Variants in CHSY1 observed in about 807,000 individuals in gnomAD.
CHSY1 encodes the protein N-acetylgalactosaminyl-proteoglycan 3-beta-glucuronosyltransferase 1.
CHSY1 carries 13 observed loss-of-function variants against 59.8 expected under a neutral mutation model. The observed-to-expected ratio is 0.22, with a 90% CI of 0.14 to 0.35. The LOEUF (loss-of-function observed/expected upper bound fraction) is 0.35, where lower values mean the gene tolerates loss of function less well. Ranked by LOEUF, CHSY1 falls within the 10% of genes least tolerant of loss-of-function variation. CHSY1 has a pLI of 1.00. For missense variants in CHSY1, 947 were observed against 1,030.6 expected (o/e 0.92, Z 1.11); for synonymous variants, 459 against 401.2 (o/e 1.14, Z -1.72).
At chr15:101,215,967 T>TA (rs368638696) in intron 2 of CHSY1, among the ~76,000 whole-genome samples, 2 of 152,224 alleles carry the variant, frequency 1.3e-5, no homozygotes, top group African/African-American at 4.8e-5. Context: ...AAAAGAACAT[T>TA]AAAAAAATCA....
chr15:101,226,086 G>T (rs925525417), intron 2 of CHSY1, among the ~76,000 whole-genome samples: 3 of 152,158 alleles, frequency 2.0e-5, no homozygotes, highest in Admixed American at 6.5e-5. Context: ...GGTAAACTAT[G>T]ATTGGTTCTG....
chr15:101,176,285 G>A lies in CHSY1; in HGVS notation c.*1103C>T, dbSNP rs2141233006. ...TAAAACAAAACAGTAATGAAAGAAT[G>A]AAAACCATCTCCACCCACATAACAC... On this transcript the variant is annotated 3_prime_UTR_variant, in exon 3 of 3. Transcript: ENST00000254190. 2.5e-6 allele frequency: 1 copy of A among 398,406 alleles called. No homozygotes were observed. Among genetic ancestry groups the A allele is most frequent in the South Asian group, 1.3e-4 (1 of 7,852 alleles). 24.7% of individuals were successfully genotyped at this position (398,406 alleles called of 1,614,324 possible). A position where few individuals can be genotyped will look rare whatever the true frequency, so the allele number is the denominator to read the frequency against.
At chr15:101,222,417 T>C (rs1294738809) in intron 2 of CHSY1, among the ~76,000 whole-genome samples, 1 of 152,250 alleles carries the variant, frequency 6.6e-6, no homozygotes, top group African/African-American at 2.4e-5. Context: ...ACCCCGCTTC[T>C]TCTGATGTTA....
At chr15:101,247,621 T>A (rs1019316029) in intron 1 of CHSY1, among the ~76,000 whole-genome samples, 6 of 152,196 alleles carry the variant, frequency 3.9e-5, no homozygotes, top group Non-Finnish European at 8.8e-5. Context: ...ACAGCTACTG[T>A]GTCACTCAGG....
At chr15:101,179,109 G>C (rs2038240384) in intron 2 of CHSY1, 129 bp from the exon 3 acceptor site, 1 of 882,530 alleles carries the variant, frequency 1.1e-6, no homozygotes, top group Admixed American at 2.1e-5. Context: ...CCTAGATAAG[G>C]CCCGATCAAC....
intron 2 of CHSY1, among the ~76,000 whole-genome samples, chr15:101,205,033 C>G (rs1290699667): frequency 6.6e-6 from 1 of 152,180 alleles, no homozygotes; most frequent in African/African-American, 2.4e-5. Flanking sequence ...GTATGGCTAA[C>G]AGATTTCTAA....
rs1353236395 is a variant in CHSY1, at chr15:101,214,659, T to TA, written c.816+20422dup. On this transcript the variant is annotated intron_variant, in intron 2 of 2. Transcript: ENST00000254190. ...ATCATGGAGGTGGATTTCTCATGCA[T>TA]AGGTGGGAGGTGGCTGGATCATGGA... is the stretch of plus-strand genomic sequence containing the variant. 2.0e-5 allele frequency among the ~76,000 whole-genome samples: 3 copies of TA among 150,274 alleles called. No homozygotes were observed. The East Asian group carries it at 6.0e-4, about 30-fold the overall frequency.
In CHSY1 at chr15:101,178,715, G is replaced by A. The variant is rs552343683; in HGVS notation, c.1082C>T (p.Ser361Phe). 11 of 1,614,242 alleles carry A rather than the reference G, an allele frequency of 6.8e-6. No homozygotes were observed. Among genetic ancestry groups the A allele is most frequent in the South Asian group, 6.6e-5 (6 of 91,092 alleles). The change falls in exon 3 of 3, where the codon TCC (serine) becomes TTC (phenylalanine). Residue 361 changes from serine (S) to phenylalanine (F), a missense_variant. Physicochemically the swap from Ser to Phe is radical, Grantham distance 155. Transcript: ENST00000254190. ...CTGGCGGGGCTGAAACCTCATGAAGGAGGGAGGGATTCCCAGCTGGAGGTC... is the reference window on the plus strand; with the variant it reads ...CTGGCGGGGCTGAAACCTCATGAAGAAGGGAGGGATTCCCAGCTGGAGGTC... ...KEDLQLGIPP[S>F]FMRFQPRQRE...
chr15:101,206,476 G>A (rs1245370401), intron 2 of CHSY1, among the ~76,000 whole-genome samples: 2 of 152,064 alleles, frequency 1.3e-5, no homozygotes, highest in South Asian at 2.1e-4. Flanking sequence ...CTCTGAAGGC[G>A]GTGACGTGCT....
intron 1 of CHSY1, 29 bp downstream of exon 1, chr15:101,251,108 G>T: frequency 6.5e-7 from 1 of 1,548,538 alleles, no homozygotes; most frequent in Non-Finnish European, 8.7e-7. Flanking sequence ...CCGGACGCAG[G>T]AGGCGGTGCC....
intron 1 of CHSY1, among the ~76,000 whole-genome samples, chr15:101,248,032 A>C (rs1249404318): frequency 1.3e-5 from 2 of 152,074 alleles, no homozygotes; most frequent in South Asian, 2.1e-4. Flanking sequence ...AAGCCAAACA[A>C]CAGTTGTTTT....
At chr15:101,199,524 CAAAA>C (rs1240228850) in intron 2 of CHSY1, among the ~76,000 whole-genome samples, 1 of 152,022 alleles carries the variant, frequency 6.6e-6, no homozygotes, top group Non-Finnish European at 1.5e-5. Flanking sequence ...AACGAACAAA[CAAAA>C]AACACATCAT....
intron 2 of CHSY1, among the ~76,000 whole-genome samples, chr15:101,228,138 T>G (rs1313636632): frequency 6.6e-6 from 1 of 151,340 alleles, no homozygotes; most frequent in African/African-American, 2.4e-5. Context: ...ATATCTGAAA[T>G]GAAAATATCA....
Position 101,176,082 on chromosome 15 carries a change from TAAG to T in CHSY1, c.*1303_*1305del, listed in dbSNP as rs370738241. 887 of 395,488 alleles carry T rather than the reference TAAG, an allele frequency of 2.2e-3. 14 individuals carry two copies. In the East Asian group the frequency reaches 0.027, roughly 12 times the overall value. 24.5% of individuals were successfully genotyped at this position (395,488 alleles called of 1,614,324 possible). ...GTAAAACAGTAAGGAATATAAAAAT[TAAG>T]GAGGGGAAAAAGCGTTTCCAAAAGG... On this transcript the variant is annotated 3_prime_UTR_variant, in exon 3 of 3. Coordinates refer to ENST00000254190, the MANE Select transcript of CHSY1 (RefSeq NM_014918.5).
intron 2 of CHSY1, among the ~76,000 whole-genome samples, chr15:101,226,396 T>C (rs918652863): frequency 5.9e-5 from 9 of 152,130 alleles, no homozygotes; most frequent in African/African-American, 1.9e-4. Flanking sequence ...CCTCACCCCA[T>C]CTTTAAGGAA....
intron 2 of CHSY1, among the ~76,000 whole-genome samples, chr15:101,233,443 A>G (rs1365983863): frequency 1.3e-5 from 2 of 152,198 alleles, no homozygotes; most frequent in Admixed American, 1.3e-4. Flanking sequence ...AAAATATACA[A>G]TGTGTTACCT....
intron 2 of CHSY1, among the ~76,000 whole-genome samples, chr15:101,234,057 T>C (rs1267962995): frequency 6.6e-6 from 1 of 152,242 alleles, no homozygotes; most frequent in Admixed American, 6.5e-5. Flanking sequence ...TATCAGATTG[T>C]GCAATCTGCA....
intron 2 of CHSY1, chr15:101,187,616 T>C (rs2038387537): frequency 6.6e-6 from 1 of 152,198 alleles, no homozygotes; most frequent in African/African-American, 2.4e-5. Flanking sequence ...AAGAATATTA[T>C]AAAACAGAAA....
chr15:101,193,129 C>A (rs2038466177), intron 2 of CHSY1, among the ~76,000 whole-genome samples: 1 of 152,238 alleles, frequency 6.6e-6, no homozygotes, highest in Admixed American at 6.5e-5. Context: ...CCCGCAGCCA[C>A]TGCACACAGC....
Sources: allele counts gnomAD v4.1 joint callset (sites outside exome capture counted in the v4.1 genomes callset), GRCh38; gene constraint gnomAD v4.1.1; transcripts MANE v1.5; gene names NCBI Gene and HGNC (gene_info 2026-07-23, HGNC 2026-07-21).